Variants in TMEM132B observed in about 807,000 individuals in gnomAD.
TMEM132B encodes transmembrane protein 132B.
Under a neutral mutation model 90.8 loss-of-function variants are expected in TMEM132B, and 18 were observed. The observed-to-expected ratio is 0.20, with a 90% CI of 0.14 to 0.29. TMEM132B has a LOEUF of 0.29. TMEM132B is among the 10% of genes least tolerant of loss of function. The pLI is 1.00. For synonymous variants in TMEM132B, 504 were observed against 523.3 expected (o/e 0.96, Z 0.50); for missense variants, 1,096 against 1,326.8 (o/e 0.83, Z 2.70).
At chr12:125,263,518 C>G (rs963380754) in intron 1 of TMEM132B, among the ~76,000 whole-genome samples, 5 of 152,300 alleles carry the variant, frequency 3.3e-5, no homozygotes, top group Non-Finnish European at 5.9e-5. Context: ...ATACCTCAGA[C>G]TCGGAGTAGT....
rs531831083 is a variant in TMEM132B, at chr12:125,468,933, A to C, written c.1107-50506A>C. On this transcript the variant is annotated intron_variant, in intron 3 of 8. Coordinates refer to ENST00000682704, the MANE Select transcript of TMEM132B (RefSeq NM_001366854.1). ...ATATAGAAACACAACTGATTTTTAT[A>C]CATTGATTTTGCTGAATTAGTTTAT... Among the ~76,000 whole-genome samples the C allele has an allele frequency of 8.5e-4, 129 of 152,346 alleles. 1 individual carries two copies. The highest frequency in any genetic ancestry group is 1.5e-3 in the Non-Finnish European group (99 of 68,026).
chr12:125,443,257 G>C (rs2136432405), intron 3 of TMEM132B, among the ~76,000 whole-genome samples: 1 of 152,326 alleles, frequency 6.6e-6, no homozygotes, highest in Non-Finnish European at 1.5e-5. Flanking sequence ...ACTGTTTCTT[G>C]TGGTTCAGGA....
rs761086226 is a variant in TMEM132B, at chr12:125,445,642, G to A, written c.1106+29965G>A. ...TCCACCCCAGCTGTGAACCCTGAGCGTGTGATCCCTTGGCAAGCTCACAAG... is the reference window on the plus strand; with the variant it reads ...TCCACCCCAGCTGTGAACCCTGAGCATGTGATCCCTTGGCAAGCTCACAAG... On this transcript the variant is annotated intron_variant, in intron 3 of 8. Transcript: ENST00000682704. This position sits in a 1 kb window ranked among gnomAD's most constrained non-coding sequence, Gnocchi z 4.3. Among the ~76,000 whole-genome samples, 11 of 152,206 alleles carry A rather than the reference G, an allele frequency of 7.2e-5. No homozygotes were observed. The highest frequency in any genetic ancestry group is 2.6e-4 in the Admixed American group (4 of 15,282).
chr12:125,308,835 C>A (rs1331648753), intron 1 of TMEM132B, among the ~76,000 whole-genome samples: 1 of 152,046 alleles, frequency 6.6e-6, no homozygotes, highest in Non-Finnish European at 1.5e-5. Flanking sequence ...AATTCCATCC[C>A]CTCTCCCAGA....
intron 1 of TMEM132B, among the ~76,000 whole-genome samples, chr12:125,203,406 T>G (rs1873109897): frequency 6.6e-6 from 1 of 152,200 alleles, no homozygotes; most frequent in South Asian, 2.1e-4. Flanking sequence ...TTTCACAGCT[T>G]TGAGAGGATC....
Position 125,653,701 on chromosome 12 carries a change from C to A in TMEM132B, c.2243C>A (p.Ser748Tyr). The A allele has an allele frequency of 6.2e-7, 1 of 1,614,084 alleles. No homozygotes were observed. The change falls in exon 9 of 9, where the codon TCC becomes TAC. Residue 748 changes from serine (S) to tyrosine (Y), a missense_variant. By Grantham distance (144) the Ser-to-Tyr change is moderately radical. Coordinates refer to ENST00000682704, the MANE Select transcript of TMEM132B (RefSeq NM_001366854.1). ...GTGTCTGTCCAGGCAAACCTTGAGT[C>A]CAAATGGCCAATTGTGGTTGCAGAG... Reference protein sequence around the residue: ...MVVSVQANLESKWPIVVAEGE... With the variant: ...MVVSVQANLEYKWPIVVAEGE...
chr12:125,400,551 C>T (rs1021870760), intron 2 of TMEM132B, among the ~76,000 whole-genome samples: 1 of 152,216 alleles, frequency 6.6e-6, no homozygotes, highest in Non-Finnish European at 1.5e-5. Flanking sequence ...CCACCTGCTC[C>T]ATGGTCATCT....
At chr12:125,389,174 T>A (rs2136298841) in intron 2 of TMEM132B, among the ~76,000 whole-genome samples, 1 of 152,082 alleles carries the variant, frequency 6.6e-6, no homozygotes, top group South Asian at 2.1e-4. Context: ...AAACAATAAA[T>A]AAGTAAGCAA....
chr12:125,437,919 G>T lies in TMEM132B; in HGVS notation c.1106+22242G>T, dbSNP rs112326836. 3.6e-3 allele frequency among the ~76,000 whole-genome samples: 543 copies of T among 152,244 alleles called. 2 individuals carry two copies. Among genetic ancestry groups the T allele is most frequent in the African/African-American group, 0.011 (459 of 41,546 alleles). ...CAGCATTGTGAATGCACTTAATGCCGTTGACTTGCTTGCTTTACAATGGTC... is the reference window on the plus strand; with the variant it reads ...CAGCATTGTGAATGCACTTAATGCCTTTGACTTGCTTGCTTTACAATGGTC... On this transcript the variant is annotated intron_variant, in intron 3 of 8. Coordinates refer to ENST00000682704, the MANE Select transcript of TMEM132B (RefSeq NM_001366854.1).
intron 4 of TMEM132B, among the ~76,000 whole-genome samples, chr12:125,565,835 A>C (rs550828551): frequency 3.0e-4 from 45 of 152,342 alleles, no homozygotes; most frequent in Non-Finnish European, 6.0e-4. Flanking sequence ...ATGGAAGGCT[A>C]AAAGGCAACT....
At chr12:125,629,881 C>G (rs565070616) in intron 5 of TMEM132B, among the ~76,000 whole-genome samples, 2 of 152,238 alleles carry the variant, frequency 1.3e-5, no homozygotes, top group African/African-American at 4.8e-5. Context: ...TCTTTTTCAG[C>G]ATCAGTTGAA....
At chr12:125,497,467 T>C (rs1351236228) in intron 3 of TMEM132B, among the ~76,000 whole-genome samples, 1 of 152,216 alleles carries the variant, frequency 6.6e-6, no homozygotes, top group East Asian at 1.9e-4. Context: ...CTTCCAAGGT[T>C]CCATACTTTA....
chr12:125,197,795 C>A (rs1175632480), intron 1 of TMEM132B, among the ~76,000 whole-genome samples: 1 of 152,088 alleles, frequency 6.6e-6, no homozygotes, highest in Admixed American at 6.5e-5. Context: ...TATCCAGCTC[C>A]TCGGTATGAG....
chr12:125,418,962 A>G (rs1305787066), intron 3 of TMEM132B, among the ~76,000 whole-genome samples: 3 of 152,198 alleles, frequency 2.0e-5, no homozygotes, highest in Non-Finnish European at 2.9e-5. Flanking sequence ...ATGATGGACT[A>G]TTTGCATGGA....
chr12:125,649,805 A>G (rs547029692), intron 6 of TMEM132B, among the ~76,000 whole-genome samples: 251 of 152,290 alleles, frequency 1.6e-3, no homozygotes, highest in Middle Eastern at 3.4e-3. Flanking sequence ...ACGTTCTGGA[A>G]TTGCAGAGCC....
chr12:125,327,480 G>C (rs1362844359), intron 1 of TMEM132B: 4 of 152,310 alleles, frequency 2.6e-5, no homozygotes, highest in Non-Finnish European at 5.9e-5. Flanking sequence ...TCTCCATCCT[G>C]GTGGCCCTTT....
intron 1 of TMEM132B, among the ~76,000 whole-genome samples, chr12:125,343,117 C>T (rs1262651211): frequency 6.6e-6 from 1 of 152,182 alleles, no homozygotes; most frequent in Non-Finnish European, 1.5e-5. Flanking sequence ...CCCACCACAG[C>T]TGTTATTAAT....
At chr12:125,396,379 C>G (rs1267297331) in intron 2 of TMEM132B, among the ~76,000 whole-genome samples, 1 of 152,212 alleles carries the variant, frequency 6.6e-6, no homozygotes, top group Non-Finnish European at 1.5e-5. Flanking sequence ...CTTGGACACT[C>G]TTATCACCCA....
intron 4 of TMEM132B, among the ~76,000 whole-genome samples, chr12:125,568,771 A>G (rs2136821964): frequency 6.6e-6 from 1 of 152,316 alleles, no homozygotes; most frequent in East Asian, 1.9e-4. Flanking sequence ...GTAGCTGGTC[A>G]TGATTTGAGT....
Sources: gnomAD v4.1 joint callset for allele counts (sites outside exome capture counted in the v4.1 genomes callset) on GRCh38, gnomAD v4.1.1 for gene constraint, Gnocchi (gnomAD v3.1) non-coding constraint, MANE v1.5 for transcripts, NCBI Gene and HGNC (gene_info 2026-07-23, HGNC 2026-07-21) for gene names.